Variants in DYRK1A observed in about 807,000 individuals in gnomAD.
DYRK1A encodes the protein dual specificity tyrosine phosphorylation regulated kinase 1A.
In DYRK1A, 9 loss-of-function variants were observed where a neutral mutation model predicts 79.7. That is an observed-to-expected ratio of 0.11 (90% confidence interval 0.07 to 0.20). DYRK1A has a LOEUF of 0.20. Ranked by LOEUF, DYRK1A falls within the 10% of genes least tolerant of loss-of-function variation. The pLI is 1.00. For missense variants in DYRK1A, 622 were observed against 956.0 expected (o/e 0.65, Z 4.61); for synonymous variants, 349 against 329.7 (o/e 1.06, Z -0.63).
At chr21:37,480,436 T>G (rs2052595859) in intron 4 of DYRK1A, among the ~76,000 whole-genome samples, 1 of 152,240 alleles carries the variant, frequency 6.6e-6, no homozygotes, top group African/African-American at 2.4e-5. Flanking sequence ...GACAAGTCAC[T>G]TAACATTTTT....
At chr21:37,447,279 A>G in intron 2 of DYRK1A, among the ~76,000 whole-genome samples, 1 of 152,128 alleles carries the variant, frequency 6.6e-6, no homozygotes, top group Non-Finnish European at 1.5e-5. Flanking sequence ...GTTGGGGGGA[A>G]AGTGACAATG....
chr21:37,414,976 A>G (rs1329218097), intron 1 of DYRK1A, among the ~76,000 whole-genome samples: 1 of 152,230 alleles, frequency 6.6e-6, no homozygotes, highest in Non-Finnish European at 1.5e-5. Context: ...ACAATTACTG[A>G]TGATAACTTA....
intron 1 of DYRK1A, 55 bp downstream of exon 1, chr21:37,367,683 C>T (rs2148346826): frequency 6.9e-6 from 1 of 144,412 alleles, no homozygotes; most frequent in South Asian, 2.2e-4. Context: ...GCTCCCCCGG[C>T]GGCCCGCAGC....
At chr21:37,452,599 T>TA (rs1452936516) in intron 2 of DYRK1A, among the ~76,000 whole-genome samples, 65 of 152,108 alleles carry the variant, frequency 4.3e-4, no homozygotes, top group Non-Finnish European at 7.2e-4. Context: ...CCAATCTATT[T>TA]GAGTTTGTAC....
chr21:37,443,531 G>C (rs1206375199), intron 2 of DYRK1A, among the ~76,000 whole-genome samples: 1 of 152,188 alleles, frequency 6.6e-6, no homozygotes, highest in Admixed American at 6.5e-5. Context: ...TTCTGGAACA[G>C]TCGGGTTACT....
intron 2 of DYRK1A, among the ~76,000 whole-genome samples, chr21:37,448,179 T>C (rs554357423): frequency 2.0e-5 from 3 of 152,346 alleles, no homozygotes; most frequent in Non-Finnish European, 4.4e-5. Context: ...GATTAACGTG[T>C]AAAATATTTC....
chr21:37,410,191 G>A (rs1414539029), intron 1 of DYRK1A, among the ~76,000 whole-genome samples: 1 of 152,140 alleles, frequency 6.6e-6, no homozygotes, highest in East Asian at 1.9e-4. Flanking sequence ...AATTTACTGA[G>A]GTTTGTTAAG....
chr21:37,510,549 G>C (rs992530783), intron 11 of DYRK1A, among the ~76,000 whole-genome samples: 1 of 152,192 alleles, frequency 6.6e-6, no homozygotes, highest in Non-Finnish European at 1.5e-5. Flanking sequence ...AAGACTGTTT[G>C]TTGGATAGGA....
At chr21:37,368,160 G>A (rs2049354001) in intron 1 of DYRK1A, 3 of 152,512 alleles carry the variant, frequency 2.0e-5, no homozygotes, top group Admixed American at 2.0e-4. Context: ...CGGCGGCCCT[G>A]GGGGTCCGCG....
At chr21:37,393,518 A>C (rs1029291917) in intron 1 of DYRK1A, among the ~76,000 whole-genome samples, 1 of 152,224 alleles carries the variant, frequency 6.6e-6, no homozygotes, top group Non-Finnish European at 1.5e-5. Flanking sequence ...GTATGCTGAT[A>C]TGAGATGTCA....
At chr21:37,492,092 C>G (rs1053192738) in intron 7 of DYRK1A, among the ~76,000 whole-genome samples, 2 of 152,140 alleles carry the variant, frequency 1.3e-5, no homozygotes, top group African/African-American at 4.8e-5. Context: ...GTGTTTGGGC[C>G]TAGGGAGTTA....
rs187183665 is a variant in DYRK1A, at chr21:37,478,309, T to C, written c.300+9T>C. 1.1e-5 allele frequency: 17 copies of C among 1,610,586 alleles called. No homozygotes were observed. In the East Asian group the frequency reaches 2.7e-4, roughly 25 times the overall value. On this transcript the variant is annotated intron_variant, in intron 4 of 11. Transcript: ENST00000647188. ...ACAAGCATATTAATGAGGTAAGACT[T>C]GATTTGTTATAATAACATCTATCTT...
chr21:37,391,059 G>A (rs1222765096), intron 1 of DYRK1A, among the ~76,000 whole-genome samples: 1 of 152,184 alleles, frequency 6.6e-6, no homozygotes, highest in Non-Finnish European at 1.5e-5. Flanking sequence ...GAATTTTGAT[G>A]AAGTCTAATT....
At chr21:37,491,795 C>G (rs1049316485) in intron 7 of DYRK1A, among the ~76,000 whole-genome samples, 1 of 152,100 alleles carries the variant, frequency 6.6e-6, no homozygotes, top group African/African-American at 2.4e-5. Context: ...CCTATTTAAG[C>G]CAAATTATGT....
intron 1 of DYRK1A, among the ~76,000 whole-genome samples, chr21:37,405,151 G>C (rs1044185513): frequency 6.6e-6 from 1 of 152,076 alleles, no homozygotes; most frequent in African/African-American, 2.4e-5. Flanking sequence ...GTCGGCCTTT[G>C]GGTGAAGATG....
intron 2 of DYRK1A, among the ~76,000 whole-genome samples, chr21:37,426,754 CAAA>C (rs34975084): frequency 2.4e-5 from 3 of 126,962 alleles, no homozygotes. Context: ...ACTAAAAATA[CAAA>C]AAAAAAAAAA....
At chr21:37,405,013 T>C (rs1239407147) in intron 1 of DYRK1A, among the ~76,000 whole-genome samples, 1 of 152,182 alleles carries the variant, frequency 6.6e-6, no homozygotes, top group Non-Finnish European at 1.5e-5. Flanking sequence ...ATGTACATTC[T>C]CAGAAAGTAC....
intron 2 of DYRK1A, among the ~76,000 whole-genome samples, chr21:37,468,394 C>T (rs941909396): frequency 2.6e-4 from 39 of 152,076 alleles, no homozygotes; most frequent in African/African-American, 8.9e-4. Context: ...GGCATGAGCC[C>T]CTGCGCCTGG....
intron 1 of DYRK1A, among the ~76,000 whole-genome samples, chr21:37,393,563 A>G (rs2049909115): frequency 6.6e-6 from 1 of 152,228 alleles, no homozygotes; most frequent in Admixed American, 6.5e-5. Flanking sequence ...CAGGAGATAA[A>G]TTATTTCAGA....
Sources: gnomAD v4.1 joint callset for allele counts (sites outside exome capture counted in the v4.1 genomes callset) on GRCh38, gnomAD v4.1.1 for gene constraint, MANE v1.5 for transcripts, NCBI Gene and HGNC (gene_info 2026-07-23, HGNC 2026-07-21) for gene names.